PNISR: variants seen among roughly 807,000 people sequenced by gnomAD.
PNISR encodes the protein arginine/serine-rich protein PNISR.
PNISR carries 20 observed loss-of-function variants against 93.4 expected under a neutral mutation model. That is an observed-to-expected ratio of 0.21 (90% CI 0.15 to 0.31). PNISR has a LOEUF of 0.31. PNISR is among the 10% of genes least tolerant of loss of function. The pLI, the probability that PNISR is intolerant of heterozygous loss-of-function variation, is 1.00. For missense variants in PNISR, 893 were observed against 985.4 expected (o/e 0.91, Z 1.25); for synonymous variants, 305 against 306.5 (o/e 0.99, Z 0.05).
At chr6:99,423,813 G>A (rs1169382120) in intron 1 of PNISR, among the ~76,000 whole-genome samples, 1 of 152,166 alleles carries the variant, frequency 6.6e-6, no homozygotes, top group African/African-American at 2.4e-5. Context: ...TTTCCTCACT[G>A]TTCTGGAGGC....
chr6:99,417,968 CAAA>C lies in PNISR; in HGVS notation c.-111-1543_-111-1541del, dbSNP rs34504221. 3.5e-3 allele frequency among the ~76,000 whole-genome samples: 327 copies of C among 92,208 alleles called. 3 individuals are homozygous for C. The highest frequency in any genetic ancestry group is 0.021 in the South Asian group (55 of 2,622). The allele number at this position is 92,208 out of a possible 152,430, so 60.5% of individuals were successfully genotyped here. A position where few individuals can be genotyped will look rare whatever the true frequency, so the allele number is the denominator to read the frequency against. On this transcript the variant is annotated intron_variant, in intron 1 of 11. Coordinates refer to ENST00000369239, the MANE Select transcript of PNISR (RefSeq NM_032870.4). Reference sequence around the variant, plus strand: ...GGGCGACAAGAGCGAAACACCATCTCAAAAAAAAAAAAAAAAAAAAAGTGATCA... The same window carrying C: ...GGGCGACAAGAGCGAAACACCATCTCAAAAAAAAAAAAAAAAAAGTGATCA...
At chr6:99,405,393 G>A (rs1288136154) in intron 8 of PNISR, among the ~76,000 whole-genome samples, 1 of 152,030 alleles carries the variant, frequency 6.6e-6, no homozygotes, top group Admixed American at 6.5e-5. Flanking sequence ...CTTGAACTCA[G>A]GAGGCAGAGG....
At chr6:99,401,769 A>AC in intron 11 of PNISR, 139 bp from the exon 12 acceptor site, 1 of 546,548 alleles carries the variant, frequency 1.8e-6, no homozygotes, top group African/African-American at 1.9e-5. Flanking sequence ...GTAATTCAAA[A>AC]TTTTTTAGTA....
intron 1 of PNISR, among the ~76,000 whole-genome samples, chr6:99,419,846 GAGA>G (rs1778303394): frequency 6.6e-6 from 1 of 151,448 alleles, no homozygotes; most frequent in Admixed American, 6.6e-5. Context: ...TGGCAGTTTT[GAGA>G]AGATTTTGTA....
rs895977954 is a variant in PNISR, at chr6:99,425,285, A to C, written c.-182T>G. Reference sequence around the variant, plus strand: ...CCTCTCCAACGCTTTCGATGCTTCTACTTCTTCGGGAACAAGACAAGATGG... The same window carrying C: ...CCTCTCCAACGCTTTCGATGCTTCTCCTTCTTCGGGAACAAGACAAGATGG... On this transcript the variant is annotated 5_prime_UTR_variant, in exon 1 of 12. Coordinates refer to ENST00000369239, the MANE Select transcript of PNISR (RefSeq NM_032870.4). The C allele has an allele frequency of 8.1e-7, 1 of 1,231,954 alleles. No homozygotes were observed. Among genetic ancestry groups the C allele is most frequent in the Admixed American group, 4.2e-5 (1 of 23,688 alleles). 76.3% of individuals were successfully genotyped at this position (1,231,954 alleles called of 1,614,324 possible). A position where few individuals can be genotyped will look rare whatever the true frequency, so the allele number is the denominator to read the frequency against.
chr6:99,421,003 C>T (rs1234269376), intron 1 of PNISR, among the ~76,000 whole-genome samples: 2 of 152,126 alleles, frequency 1.3e-5, no homozygotes, highest in African/African-American at 4.8e-5. Context: ...TAATGTTCAA[C>T]CATGAAAATG....
chr6:99,425,126 A>G (rs761017780), intron 1 of PNISR, 89 bp downstream of exon 1: 3 of 894,074 alleles, frequency 3.4e-6, no homozygotes, highest in East Asian at 6.7e-5. Flanking sequence ...TACGCAGCCT[A>G]TTTTAAGTTA....
chr6:99,411,799 T>G (rs9321538), intron 4 of PNISR: 70,680 of 144,144 alleles, frequency 0.49, 17,309 homozygotes, highest in East Asian at 0.78. Flanking sequence ...GGTTTTTTTT[T>G]TTTTTTTTTT....
chr6:99,420,841 A>G (rs1476368071), intron 1 of PNISR, among the ~76,000 whole-genome samples: 1 of 152,252 alleles, frequency 6.6e-6, no homozygotes, highest in Non-Finnish European at 1.5e-5. Context: ...GAGGGTCTGC[A>G]TTAAATTTTC....
At chr6:99,405,370 G>A (rs1254294078) in intron 8 of PNISR, among the ~76,000 whole-genome samples, 1 of 152,078 alleles carries the variant, frequency 6.6e-6, no homozygotes, top group Non-Finnish European at 1.5e-5. Flanking sequence ...GGGAGGCAGA[G>A]GCAGGAGAAC....
intron 5 of PNISR, 38 bp downstream of exon 5, chr6:99,410,703 G>T: frequency 7.0e-7 from 1 of 1,419,166 alleles, no homozygotes; most frequent in Non-Finnish European, 9.9e-7. Context: ...TGGATTACGT[G>T]CACATCTACA....
At chr6:99,410,517 A>G in intron 5 of PNISR, 1 of 507,646 alleles carries the variant, frequency 2.0e-6, no homozygotes, top group Non-Finnish European at 3.5e-6. Context: ...TTTTTTCAAA[A>G]GTTTTCCGTA....
At chr6:99,408,986 T>G (rs577467666) in intron 6 of PNISR, among the ~76,000 whole-genome samples, 187 bp downstream of exon 6, 4 of 152,360 alleles carry the variant, frequency 2.6e-5, no homozygotes, top group African/African-American at 4.8e-5. Context: ...TAAATAAAAT[T>G]ATTTAAACCT....
At chr6:99,420,436 A>G (rs1778402103) in intron 1 of PNISR, among the ~76,000 whole-genome samples, 3 of 152,242 alleles carry the variant, frequency 2.0e-5, no homozygotes, top group South Asian at 4.1e-4. Flanking sequence ...CACATAGCAC[A>G]ATGCTTGATA....
chr6:99,400,807 A>G lies in PNISR; in HGVS notation c.2151T>C (p.Ser717=), dbSNP rs1197828969. The G allele has an allele frequency of 6.2e-7, 1 of 1,612,326 alleles. No individual in the cohort carries two copies. Among genetic ancestry groups the G allele is most frequent in the Non-Finnish European group, 8.5e-7 (1 of 1,178,924 alleles). ...AACCACTCCTAGAAAATGTTCTTTCACTTTCTCGTTTCCTTTTTAATCTAT... is the reference window on the plus strand; with the variant it reads ...AACCACTCCTAGAAAATGTTCTTTCGCTTTCTCGTTTCCTTTTTAATCTAT... The part of the protein sequence containing the change: ...QDDRLKRKRE[S]ERTFSRSGSI... The change falls in exon 12 of 12, where the codon AGT becomes AGC. Residue 717 remains serine, a synonymous_variant. Transcript: ENST00000369239.
chr6:99,418,460 AAAAG>A (rs915621653), intron 1 of PNISR, among the ~76,000 whole-genome samples: 2 of 152,124 alleles, frequency 1.3e-5, no homozygotes, highest in African/African-American at 4.8e-5. Context: ...AAAAAAAAAA[AAAAG>A]TTTTCCTATG....
At chr6:99,401,979 C>T (rs1775563564) in intron 11 of PNISR, among the ~76,000 whole-genome samples, 1 of 152,070 alleles carries the variant, frequency 6.6e-6, no homozygotes, top group Non-Finnish European at 1.5e-5. Flanking sequence ...GTTACGTTAC[C>T]CTCCTGGACA....
chr6:99,412,579 A>C lies in PNISR; in HGVS notation c.249T>G (p.Asp83Glu). Residue 83 changes from aspartate (D) to glutamate (E), a missense_variant, in exon 4 of 12, where the codon GAT becomes GAG. By Grantham distance (45) the Asp-to-Glu change is conservative. Around this residue, in one of 3 missense-constraint regions of PNISR, gnomAD observed 866 missense variants for 935.1 expected, o/e 0.93. Coordinates refer to ENST00000369239, the MANE Select transcript of PNISR (RefSeq NM_032870.4). ...GTTGCCACATTCTGTTGAAGTTTGA[A>C]TCCCCTTGGAAATTCCCATGATTGT... Reference protein sequence around the residue: ...GPNNHGNFQGDSNFNRMWQPE... With the variant: ...GPNNHGNFQGESNFNRMWQPE... 6.2e-7 allele frequency: 1 copy of C among 1,600,464 alleles called. No individual in the cohort carries two copies. The highest frequency in any genetic ancestry group is 8.5e-7 in the Non-Finnish European group (1 of 1,175,396).
rs774640392 is a variant in PNISR at position 99,410,808 on chromosome 6, T to C, written c.434A>G (p.Asn145Ser). The C allele has an allele frequency of 1.2e-6, 2 of 1,614,136 alleles. No individual in the cohort carries two copies. Among genetic ancestry groups the C allele is most frequent in the Non-Finnish European group, 1.7e-6 (2 of 1,180,006 alleles). ...GGGTGGTCCACCAAAGTTGTGATTG[T>C]TCTGGTTAAATATATGCCTGTTGTC... Reference protein sequence around the residue: ...APDNRHIFNQNNHNFGGPPDN... With the variant: ...APDNRHIFNQSNHNFGGPPDN... Residue 145 changes from asparagine (N) to serine (S), a missense_variant, in exon 5 of 12, where the codon AAC becomes AGC. Transcript: ENST00000369239.
Sources: gnomAD v4.1 joint callset for allele counts (sites outside exome capture counted in the v4.1 genomes callset) on GRCh38, gnomAD v4.1.1 for gene constraint, gnomAD v4.1.1 regional missense constraint, MANE v1.5 for transcripts, NCBI Gene and HGNC (gene_info 2026-07-23, HGNC 2026-07-21) for gene names.